The following KSR2 variants were observed in gnomAD, a reference collection of about 807,000 sequenced individuals.
KSR2 encodes the protein kinase suppressor of ras 2.
Under a neutral mutation model 107.8 loss-of-function variants are expected in KSR2, and 25 were observed. The ratio of observed to expected loss-of-function variants is 0.23; its 90% CI spans 0.17 to 0.32. KSR2 has a LOEUF of 0.32. Among genes scored for constraint, KSR2 ranks in the 10% least tolerant of loss-of-function variants. KSR2 has a pLI of 1.00. For synonymous variants in KSR2, 480 were observed against 507.0 expected (o/e 0.95, Z 0.71); for missense variants, 887 against 1,268.9 (o/e 0.70, Z 4.57).
intron 1 of KSR2, among the ~76,000 whole-genome samples, chr12:117,940,083 C>T (rs1003343379): frequency 1.3e-5 from 2 of 151,942 alleles, no homozygotes; most frequent in African/African-American, 4.8e-5. Context: ...ATATAATTAC[C>T]AGTTTATGCC....
intron 5 of KSR2, among the ~76,000 whole-genome samples, chr12:117,652,633 C>T (rs1206667891): frequency 6.6e-6 from 1 of 152,150 alleles, no homozygotes; most frequent in East Asian, 1.9e-4. Context: ...AATCTTTCTC[C>T]CATCCTTCCC....
chr12:117,862,726 C>A (rs941250975), intron 1 of KSR2, among the ~76,000 whole-genome samples: 4 of 142,066 alleles, frequency 2.8e-5, no homozygotes, highest in East Asian at 1.9e-4. Context: ...TCCATTCCCC[C>A]CCTTTTTTTT....
Position 117,933,466 on chromosome 12 carries a change from T to C in KSR2, c.180+34610A>G, listed in dbSNP as rs373822851. Among the ~76,000 whole-genome samples, 756 of 152,024 alleles carry C rather than the reference T, an allele frequency of 5.0e-3. 5 individuals are homozygous for C. The highest frequency in any genetic ancestry group is 0.017 in the African/African-American group (716 of 41,482). On this transcript the variant is annotated intron_variant, in intron 1 of 19. Coordinates refer to ENST00000339824, the MANE Select transcript of KSR2 (RefSeq NM_173598.6). Reference sequence around the variant, plus strand: ...TTAGCCGGGTGTGGTGGCGGGCGCCTGTGGTCCCAGCTACTTGGGAGGCTG... The same window carrying C: ...TTAGCCGGGTGTGGTGGCGGGCGCCCGTGGTCCCAGCTACTTGGGAGGCTG...
At chr12:117,965,483 A>T (rs901888132) in intron 1 of KSR2, among the ~76,000 whole-genome samples, 1 of 152,182 alleles carries the variant, frequency 6.6e-6, no homozygotes, top group Non-Finnish European at 1.5e-5. Context: ...TTATTATATC[A>T]TGAAGTATGC....
chr12:117,940,049 T>C (rs768027489), intron 1 of KSR2, among the ~76,000 whole-genome samples: 1 of 152,128 alleles, frequency 6.6e-6, no homozygotes. Context: ...CTGGGTACTG[T>C]CTGCTTTTTA....
chr12:117,662,879 A>G (rs1884496081), intron 5 of KSR2, among the ~76,000 whole-genome samples: 2 of 152,220 alleles, frequency 1.3e-5, no homozygotes, highest in South Asian at 4.1e-4. Flanking sequence ...CTCATCTTCC[A>G]CCAGAGATGT....
At chr12:117,784,559 T>C (rs1889996804) in intron 3 of KSR2, among the ~76,000 whole-genome samples, 1 of 152,178 alleles carries the variant, frequency 6.6e-6, no homozygotes, top group African/African-American at 2.4e-5. Flanking sequence ...ACTTGCTCCC[T>C]CCCACTCTCT....
intron 3 of KSR2, among the ~76,000 whole-genome samples, chr12:117,789,824 C>A (rs1890195498): frequency 6.6e-6 from 1 of 152,178 alleles, no homozygotes; most frequent in African/African-American, 2.4e-5. Flanking sequence ...CAGACAAGGT[C>A]CCCATCCCTG....
intron 4 of KSR2, among the ~76,000 whole-genome samples, chr12:117,730,977 G>A (rs1380711348): frequency 6.6e-6 from 1 of 151,640 alleles, no homozygotes; most frequent in African/African-American, 2.4e-5. Context: ...CCATCGTCTG[G>A]GATGTGAGGA....
At chr12:117,615,862 G>C (rs961363083) in intron 5 of KSR2, among the ~76,000 whole-genome samples, 2 of 152,162 alleles carry the variant, frequency 1.3e-5, no homozygotes, top group African/African-American at 4.8e-5. Flanking sequence ...AAGATAATTT[G>C]TTATGCAGCA....
chr12:117,793,165 CCAA>C (rs1164676063), intron 3 of KSR2, among the ~76,000 whole-genome samples: 8 of 140,404 alleles, frequency 5.7e-5, no homozygotes, highest in East Asian at 2.3e-4. Context: ...TGCACGCACA[CCAA>C]CATGTACACA....
intron 1 of KSR2, among the ~76,000 whole-genome samples, chr12:117,935,126 CCTT>C (rs1341017496): frequency 6.6e-6 from 1 of 151,578 alleles, no homozygotes; most frequent in Non-Finnish European, 1.5e-5. Context: ...CCTTGCCCTG[CCTT>C]CTTATTCTTC....
chr12:117,923,820 C>T (rs1461292069), intron 1 of KSR2, among the ~76,000 whole-genome samples: 3 of 150,802 alleles, frequency 2.0e-5, no homozygotes, highest in African/African-American at 4.9e-5. Flanking sequence ...CTGCTTTATT[C>T]AGTATTTGTA....
intron 4 of KSR2, among the ~76,000 whole-genome samples, chr12:117,719,601 C>A (rs1432221986): frequency 6.6e-6 from 1 of 152,212 alleles, no homozygotes; most frequent in Admixed American, 6.5e-5. Flanking sequence ...CACTCCCCAC[C>A]ATTCCCTATT....
intron 9 of KSR2, among the ~76,000 whole-genome samples, chr12:117,540,733 T>C (rs1018897253): frequency 2.6e-5 from 4 of 152,192 alleles, no homozygotes; most frequent in African/African-American, 9.7e-5. Context: ...AGCCAAGGAC[T>C]GCCGGAGCCA....
At chr12:117,603,992 G>T (rs908606240) in intron 5 of KSR2, among the ~76,000 whole-genome samples, 1 of 152,208 alleles carries the variant, frequency 6.6e-6, no homozygotes, top group Non-Finnish European at 1.5e-5. Context: ...ACCATGGAGT[G>T]GTTCTGCCTG....
chr12:117,664,037 G>A (rs758982010), intron 5 of KSR2, among the ~76,000 whole-genome samples: 9 of 152,194 alleles, frequency 5.9e-5, no homozygotes, highest in African/African-American at 1.2e-4. Context: ...GAACAGAAGC[G>A]TCTGACGTCT....
intron 14 of KSR2, among the ~76,000 whole-genome samples, chr12:117,511,049 C>T (rs904795984): frequency 9.2e-5 from 14 of 152,146 alleles, no homozygotes; most frequent in Non-Finnish European, 1.9e-4. Flanking sequence ...CTCCATTGAA[C>T]GGATGCAGAA....
intron 9 of KSR2, among the ~76,000 whole-genome samples, chr12:117,550,988 G>A (rs986402349): frequency 6.6e-6 from 1 of 152,218 alleles, no homozygotes; most frequent in African/African-American, 2.4e-5. Context: ...TGCGGAGCCA[G>A]CCTAGGCGGG....
Sources: allele counts gnomAD v4.1 joint callset (sites outside exome capture counted in the v4.1 genomes callset), GRCh38; gene constraint gnomAD v4.1.1; transcripts MANE v1.5; gene names NCBI Gene and HGNC (gene_info 2026-07-23, HGNC 2026-07-21).